Variants in SMARCC1 observed in about 807,000 individuals in gnomAD.
The protein encoded by SMARCC1 is SWI/SNF related BAF chromatin remodeling complex subunit C1, also known as SWI/SNF complex subunit SMARCC1.
A neutral mutation model predicts 147.4 loss-of-function variants in SMARCC1; 43 were observed. That is an observed-to-expected ratio of 0.29 (90% CI 0.23 to 0.38). SMARCC1 has a LOEUF of 0.38. SMARCC1 is among the 10% of genes least tolerant of loss of function. SMARCC1 has a pLI of 1.00. For missense variants in SMARCC1, 1,119 were observed against 1,381.1 expected, an observed-to-expected ratio of 0.81 and a Z score of 3.01; for synonymous variants, 495 against 484.4, an observed-to-expected ratio of 1.02 and a Z score of -0.29.
At chr3:47,644,978 T>C (rs1451069290) in intron 21 of SMARCC1, among the ~76,000 whole-genome samples, 2 of 152,166 alleles carry the variant, frequency 1.3e-5, no homozygotes, top group Non-Finnish European at 2.9e-5. Context: ...CTTGACTTTC[T>C]TCACTCTCTC....
chr3:47,588,423 C>A, intron 27 of SMARCC1, 117 bp from the exon 28 acceptor site: 1 of 864,624 alleles, frequency 1.2e-6, no homozygotes, highest in Non-Finnish European at 1.9e-6. Context: ...GCAACCAATG[C>A]ACCCTGTGAG....
At chr3:47,692,874 T>C (rs1576413098) in intron 12 of SMARCC1, among the ~76,000 whole-genome samples, 1 of 151,836 alleles carries the variant, frequency 6.6e-6, no homozygotes, top group Non-Finnish European at 1.5e-5. Flanking sequence ...AAAAATTAGC[T>C]GGGCGTGGTG....
intron 2 of SMARCC1, 89 bp downstream of exon 2, chr3:47,772,728 A>G: frequency 1.7e-6 from 2 of 1,161,168 alleles, no homozygotes; most frequent in South Asian, 3.7e-5. Flanking sequence ...TCTACACGCT[A>G]GCAGCAGCAA....
At chr3:47,774,365 A>G (rs1576438697) in intron 1 of SMARCC1, among the ~76,000 whole-genome samples, 2 of 151,522 alleles carry the variant, frequency 1.3e-5, no homozygotes, top group Non-Finnish European at 2.9e-5. Flanking sequence ...GTCCCCATGC[A>G]CTCCAGCCTG....
intron 6 of SMARCC1, among the ~76,000 whole-genome samples, chr3:47,727,591 C>T (rs867260029): frequency 2.0e-5 from 3 of 151,680 alleles, no homozygotes; most frequent in Non-Finnish European, 4.4e-5. Context: ...TGGCCATTTT[C>T]CTCTTTTACC....
chr3:47,719,004 C>CG (rs1241120945), intron 7 of SMARCC1, among the ~76,000 whole-genome samples: 4 of 152,182 alleles, frequency 2.6e-5, no homozygotes, highest in African/African-American at 9.7e-5. Context: ...GCTCCGCCCC[C>CG]GGGGTTCATG....
At chr3:47,659,388 A>C (rs1456042530) in intron 21 of SMARCC1, among the ~76,000 whole-genome samples, 1 of 151,980 alleles carries the variant, frequency 6.6e-6, no homozygotes, top group Non-Finnish European at 1.5e-5. Context: ...AGAAAACTAT[A>C]AACAATATAT....
Position 47,720,671 on chromosome 3 carries a change from T to C in SMARCC1, c.711A>G (p.Pro237=), listed in dbSNP as rs1407290523. Residue 237 remains proline (P), a synonymous_variant, in exon 7 of 28, where the codon CCA becomes CCG. Transcript: ENST00000254480. ...KQVLVHWGFY[P]DSYDTWVHSN... ...TCACAGCATATGAACATTACCTGTC[T>C]GGGTAAAAGCCCCAATGCACTAACA... 6.2e-7 allele frequency: 1 copy of C among 1,602,852 alleles called. No homozygotes were observed. The highest frequency in any genetic ancestry group is 1.3e-5 in the African/African-American group (1 of 74,736).
At position 47,733,073 on chromosome 3, in the gene SMARCC1, C is replaced by T. The variant is rs376678332; in HGVS notation, c.576+2961G>A. On this transcript the variant is annotated intron_variant, in intron 5 of 27. Transcript: ENST00000254480. ...AGTGAGCCGAGATCACACCACTGCG[C>T]TCCAGCTGGGCGACAGAGAAAGACT... is the stretch of plus-strand genomic sequence containing the variant. Among the ~76,000 whole-genome samples, 20 of 152,052 alleles carry T rather than the reference C, an allele frequency of 1.3e-4. No homozygotes were observed. In the Middle Eastern group the frequency reaches 9.5e-3, roughly 72 times the overall value.
At chr3:47,766,464 G>A (rs1196884214) in intron 2 of SMARCC1, among the ~76,000 whole-genome samples, 2 of 152,006 alleles carry the variant, frequency 1.3e-5, no homozygotes, top group African/African-American at 4.8e-5. Context: ...CTACTCAGGA[G>A]GGTGAGGTGG....
chr3:47,747,309 G>T (rs2034575229), intron 2 of SMARCC1, among the ~76,000 whole-genome samples: 1 of 151,378 alleles, frequency 6.6e-6, no homozygotes, highest in Non-Finnish European at 1.5e-5. Flanking sequence ...TGGGGGGAGT[G>T]TGCCTGTAGC....
At position 47,703,223 on chromosome 3, in the gene SMARCC1, C is replaced by T. The variant is rs1298185890; in HGVS notation, c.1041-1821G>A. Among the ~76,000 whole-genome samples, 4 of 152,156 alleles carry T rather than the reference C, an allele frequency of 2.6e-5. No homozygotes were observed. The South Asian group carries it at 8.3e-4, about 32-fold the overall frequency. On this transcript the variant is annotated intron_variant, in intron 10 of 27. Transcript: ENST00000254480. ...TGCTAGGATTACAGGCATGGGCCAT[C>T]ACGCCCGGCCTCCAAAAAGTTTTTA...
chr3:47,750,475 G>A (rs1384105225), intron 2 of SMARCC1, among the ~76,000 whole-genome samples: 1 of 152,112 alleles, frequency 6.6e-6, no homozygotes, highest in Non-Finnish European at 1.5e-5. Flanking sequence ...AATGTAATAG[G>A]TGGGTATCTA....
chr3:47,617,764 G>A (rs2032666431), intron 25 of SMARCC1, among the ~76,000 whole-genome samples: 1 of 152,150 alleles, frequency 6.6e-6, no homozygotes. Context: ...AAGAGAACAG[G>A]TCTCCAAGCT....
At chr3:47,676,900 T>C in intron 16 of SMARCC1, 118 bp from the exon 17 acceptor site, 1 of 812,766 alleles carries the variant, frequency 1.2e-6, no homozygotes, top group South Asian at 1.8e-5. Context: ...CTCAGCAGGC[T>C]GTCAAACATC....
At chr3:47,772,781 G>C in intron 2 of SMARCC1, 36 bp downstream of exon 2, 1 of 1,576,622 alleles carries the variant, frequency 6.3e-7, no homozygotes, top group Non-Finnish European at 8.7e-7. Flanking sequence ...TACAGCAACT[G>C]AGGATGCCCA....
chr3:47,765,745 T>C (rs796817667), intron 2 of SMARCC1, among the ~76,000 whole-genome samples: 1 of 151,952 alleles, frequency 6.6e-6, no homozygotes, highest in Non-Finnish European at 1.5e-5. Context: ...ATTTTTTTTT[T>C]TTTTTGAGAT....
chr3:47,702,398 T>C (rs763309920), intron 10 of SMARCC1, among the ~76,000 whole-genome samples: 8 of 152,004 alleles, frequency 5.3e-5, no homozygotes, highest in East Asian at 1.9e-4. Flanking sequence ...AAATACATCA[T>C]AGAGAGATTG....
intron 26 of SMARCC1, among the ~76,000 whole-genome samples, chr3:47,599,162 G>A (rs535236589): frequency 1.3e-5 from 2 of 152,220 alleles, no homozygotes; most frequent in South Asian, 2.1e-4. Flanking sequence ...TGAGGAGGGC[G>A]GATCACCTGA....
Sources: allele counts gnomAD v4.1 joint callset (sites outside exome capture counted in the v4.1 genomes callset), GRCh38; gene constraint gnomAD v4.1.1; transcripts MANE v1.5; gene names NCBI Gene and HGNC (gene_info 2026-07-23, HGNC 2026-07-21).